Variants in DBT observed in about 807,000 individuals in gnomAD.
DBT encodes dihydrolipoamide branched chain transacylase E2.
A neutral mutation model predicts 51.3 loss-of-function variants in DBT; 40 were observed. That is an observed-to-expected ratio of 0.78 (90% CI 0.61 to 1.02). DBT has a LOEUF of 1.02. Ranked by LOEUF, DBT falls within the 50% of genes least tolerant of loss-of-function variation. The probability of loss-of-function intolerance (pLI) is 0.00; values close to 1 mark genes in which losing one functional copy is unlikely to be tolerated. For synonymous variants in DBT, 181 were observed against 190.4 expected (o/e 0.95, Z 0.41); for missense variants, 510 against 580.2 (o/e 0.88, Z 1.24).
chr1:100,196,463 CAA>C (rs766344533), intron 10 of DBT, 41 bp from the exon 11 acceptor site: 14 of 1,402,536 alleles, frequency 1.0e-5, no homozygotes, highest in Non-Finnish European at 1.3e-5. Context: ...AAAAAAAGAA[CAA>C]AGAGTAAACC....
At chr1:100,224,439 T>C (rs1207856739) in intron 4 of DBT, among the ~76,000 whole-genome samples, 1 of 152,226 alleles carries the variant, frequency 6.6e-6, no homozygotes, top group Non-Finnish European at 1.5e-5. Context: ...ATTTGATACA[T>C]GGGCTTATGC....
At chr1:100,232,147 G>A (rs1309805209) in intron 3 of DBT, among the ~76,000 whole-genome samples, 1 of 152,196 alleles carries the variant, frequency 6.6e-6, no homozygotes, top group Non-Finnish European at 1.5e-5. Context: ...TGTGGGCTAA[G>A]GTAAGCGTTT....
intron 1 of DBT, among the ~76,000 whole-genome samples, chr1:100,245,570 C>A (rs891204654): frequency 6.6e-6 from 1 of 152,232 alleles, no homozygotes; most frequent in Non-Finnish European, 1.5e-5. Context: ...ACACCATTTT[C>A]ATTCTCAAAT....
intron 6 of DBT, 49 bp from the exon 7 acceptor site, chr1:100,215,032 TCATCC>T: frequency 8.0e-7 from 1 of 1,247,470 alleles, no homozygotes. Context: ...TCAAATCTCT[TCATCC>T]TTTTTTTTTT....
rs146894954 is a variant in DBT, at chr1:100,216,183, A to C, written c.572T>G (p.Val191Gly). ...TCTGCCATCTTTTCCTGAGCCAACA[A>C]CTTCACTCAGCTTAATCTAAAAAAT... is the stretch of plus-strand genomic sequence containing the variant. Reference protein sequence around the residue: ...AMENNIKLSEVVGSGKDGRIL... With the variant: ...AMENNIKLSEGVGSGKDGRIL... The change falls in exon 6 of 11, where the codon GTT becomes GGT. Residue 191 changes from valine to glycine, a missense_variant. Transcript: ENST00000370132. The C allele has an allele frequency of 6.9e-5, 112 of 1,612,246 alleles. No individual in the cohort carries two copies. The highest frequency in any genetic ancestry group is 9.2e-5 in the Non-Finnish European group (108 of 1,178,552).
chr1:100,191,679 C>G lies in DBT; in HGVS notation c.*4576G>C, dbSNP rs531886164. On this transcript the variant is annotated 3_prime_UTR_variant, in exon 11 of 11. Coordinates refer to ENST00000370132, the MANE Select transcript of DBT (RefSeq NM_001918.5). ...AGAGTATTCTATTCTCCTGCCCACA[C>G]TGATGGGCACATGAACCAAGAAAGA... 2 of 152,182 alleles carry G rather than the reference C, an allele frequency of 1.3e-5. No homozygotes were observed. Among genetic ancestry groups the G allele is most frequent in the Non-Finnish European group, 2.9e-5 (2 of 68,086 alleles). The allele number at this position is 152,182 out of a possible 1,614,324, so 9.4% of individuals were successfully genotyped here.
chr1:100,196,236 A>C lies in DBT; in HGVS notation c.*19T>G, dbSNP rs1218766014. On this transcript the variant is annotated 3_prime_UTR_variant, in exon 11 of 11. Transcript: ENST00000370132. ...TACTCTTTGGAAGCTCAAAAAGTTCAAGAATGTCTTATCAGTCTTCATTTC... is the reference window on the plus strand; with the variant it reads ...TACTCTTTGGAAGCTCAAAAAGTTCCAGAATGTCTTATCAGTCTTCATTTC... 1 of 1,611,568 alleles carries C rather than the reference A, an allele frequency of 6.2e-7. No homozygotes were observed. Among genetic ancestry groups the C allele is most frequent in the Non-Finnish European group, 8.5e-7 (1 of 1,177,710 alleles).
intron 1 of DBT, among the ~76,000 whole-genome samples, chr1:100,244,473 G>A (rs905779595): frequency 6.6e-6 from 1 of 152,110 alleles, no homozygotes; most frequent in Non-Finnish European, 1.5e-5. Context: ...TGGAGAGAAA[G>A]GGAGAAGTCA....
Position 100,218,760 on chromosome 1 carries a change from T to G in DBT, c.434-13A>C, listed in dbSNP as rs765195514. The G allele has an allele frequency of 6.2e-7, 1 of 1,612,842 alleles. No individual in the cohort carries two copies. Among genetic ancestry groups the G allele is most frequent in the Non-Finnish European group, 8.5e-7 (1 of 1,179,304 alleles). ...TCTTCTTCTGAATCTGGTAACAAGG[T>G]AAAACTTAACTTCAGTTGAAAAAAA... On this transcript the variant is annotated splice_polypyrimidine_tract_variant and intron_variant, in intron 4 of 10. Coordinates refer to ENST00000370132, the MANE Select transcript of DBT (RefSeq NM_001918.5).
intron 7 of DBT, among the ~76,000 whole-genome samples, chr1:100,211,859 C>T (rs758386608): frequency 3.3e-5 from 5 of 152,172 alleles, no homozygotes; most frequent in Admixed American, 6.5e-5. Context: ...GTAGCCTCAA[C>T]GTCCTTGGCT....
intron 1 of DBT, 117 bp from the exon 2 acceptor site, chr1:100,241,001 T>C: frequency 9.8e-7 from 1 of 1,020,658 alleles, no homozygotes; most frequent in South Asian, 1.4e-5. Context: ...ACAATAGAAA[T>C]ATTATATCCT....
chr1:100,207,564 A>ATT (rs1661863498), intron 8 of DBT, among the ~76,000 whole-genome samples: 1 of 152,088 alleles, frequency 6.6e-6, no homozygotes, highest in African/African-American at 2.4e-5. Flanking sequence ...GCTCATGCCT[A>ATT]TAATCCCAAC....
intron 10 of DBT, 46 bp from the exon 11 acceptor site, chr1:100,196,468 A>C (rs748252267): frequency 6.5e-7 from 1 of 1,540,100 alleles, no homozygotes; most frequent in South Asian, 1.2e-5. Flanking sequence ...AAGAACAAAG[A>C]GTAAACCTTC....
chr1:100,207,004 G>C (rs774182939), intron 8 of DBT, among the ~76,000 whole-genome samples: 6 of 152,140 alleles, frequency 3.9e-5, no homozygotes, highest in Non-Finnish European at 7.4e-5. Flanking sequence ...GCTTGAACCT[G>C]GGAGGTGGAG....
chr1:100,235,315 TA>T, intron 3 of DBT, 120 bp downstream of exon 3: 1 of 606,662 alleles, frequency 1.6e-6, no homozygotes, highest in East Asian at 3.0e-5. Context: ...TATGTGTTTA[TA>T]AAGACGTTTC....
At chr1:100,236,345 C>T (rs756332485) in intron 2 of DBT, among the ~76,000 whole-genome samples, 19 of 152,170 alleles carry the variant, frequency 1.2e-4, no homozygotes, top group African/African-American at 4.1e-4. Context: ...TTTGAAAGCA[C>T]GTATGGACCC....
chr1:100,223,342 G>A (rs1662982491), intron 4 of DBT, among the ~76,000 whole-genome samples: 1 of 152,152 alleles, frequency 6.6e-6, no homozygotes, highest in South Asian at 2.1e-4. Context: ...AAGACAACTC[G>A]AGGTAACACA....
At chr1:100,225,912 C>T (rs1314529510) in intron 4 of DBT, among the ~76,000 whole-genome samples, 1 of 151,054 alleles carries the variant, frequency 6.6e-6, no homozygotes, top group Middle Eastern at 3.2e-3. Flanking sequence ...GGCAGAAGGA[C>T]TGCTTGTGCC....
At chr1:100,238,518 C>CA (rs1664031895) in intron 2 of DBT, among the ~76,000 whole-genome samples, 1 of 149,984 alleles carries the variant, frequency 6.7e-6, no homozygotes, top group South Asian at 2.2e-4. Context: ...TCTTCTTAGA[C>CA]ATGGCCTAAC....
Sources: gnomAD v4.1 joint callset for allele counts (sites outside exome capture counted in the v4.1 genomes callset) on GRCh38, gnomAD v4.1.1 for gene constraint, MANE v1.5 for transcripts, NCBI Gene and HGNC (gene_info 2026-07-23, HGNC 2026-07-21) for gene names.